Variants in UVRAG observed in about 807,000 individuals in gnomAD.
UVRAG encodes UV radiation resistance associated.
A neutral mutation model predicts 78.0 loss-of-function variants in UVRAG; 19 were observed. That is an observed-to-expected ratio of 0.24 (90% CI 0.17 to 0.36). The LOEUF (loss-of-function observed/expected upper bound fraction) is 0.36, where lower values mean the gene tolerates loss of function less well. Ranked by LOEUF, UVRAG falls within the 10% of genes least tolerant of loss-of-function variation. The pLI, the probability that UVRAG is intolerant of heterozygous loss-of-function variation, is 1.00. For synonymous variants in UVRAG, 323 were observed against 324.6 expected, an observed-to-expected ratio of 1.00 and a Z score of 0.05; for missense variants, 740 against 853.8, an observed-to-expected ratio of 0.87 and a Z score of 1.66.
At chr11:75,872,948 T>A (rs554666996) in intron 3 of UVRAG, among the ~76,000 whole-genome samples, 3 of 152,224 alleles carry the variant, frequency 2.0e-5, no homozygotes, top group South Asian at 2.1e-4. Flanking sequence ...ATAAATACGC[T>A]AGTAGAAATC....
intron 3 of UVRAG, among the ~76,000 whole-genome samples, chr11:75,875,861 T>C (rs1464630042): frequency 1.3e-5 from 2 of 152,034 alleles, no homozygotes; most frequent in East Asian, 3.8e-4. Flanking sequence ...TCTTGAATTA[T>C]GTCCTTGCTT....
chr11:76,140,414 G>T (rs1952694061), intron 14 of UVRAG, among the ~76,000 whole-genome samples: 1 of 152,078 alleles, frequency 6.6e-6, no homozygotes, highest in South Asian at 2.1e-4. Flanking sequence ...AGCCTGTCCA[G>T]TTACTTCACC....
chr11:76,140,878 G>C lies in UVRAG; in HGVS notation c.1565G>C (p.Ser522Thr). 1 of 1,614,070 alleles carries C rather than the reference G, an allele frequency of 6.2e-7. No individual in the cohort carries two copies. The highest frequency in any genetic ancestry group is 2.2e-5 in the East Asian group (1 of 44,872). Residue 522 changes from serine (S) to threonine (T), a missense_variant, in exon 15 of 15, where the codon AGT becomes ACT. Coordinates refer to ENST00000356136, the MANE Select transcript of UVRAG (RefSeq NM_003369.4). ...ERLQYKTPPP[S>T]YNSALAQPVT... ...CTTCAGTACAAAACCCCTCCTCCCA[G>C]TTACAACTCAGCATTAGCCCAGCCT...
intron 12 of UVRAG, among the ~76,000 whole-genome samples, chr11:76,029,480 A>C (rs1950394843): frequency 6.6e-6 from 1 of 152,210 alleles, no homozygotes; most frequent in Non-Finnish European, 1.5e-5. Context: ...GCGATTCAGA[A>C]TATTCATGAT....
At chr11:75,916,213 C>T (rs1947850078) in intron 6 of UVRAG, 1 of 152,116 alleles carries the variant, frequency 6.6e-6, no homozygotes. Context: ...AAATTCCAGT[C>T]CTAAAACTGC....
intron 6 of UVRAG, among the ~76,000 whole-genome samples, chr11:75,922,398 AAT>A (rs1392928520): frequency 6.6e-6 from 1 of 152,110 alleles, no homozygotes; most frequent in Non-Finnish European, 1.5e-5. Context: ...TATATTTAGT[AAT>A]ATATCTAATT....
chr11:76,059,491 T>C (rs1951041644), intron 12 of UVRAG, among the ~76,000 whole-genome samples: 1 of 152,192 alleles, frequency 6.6e-6, no homozygotes, highest in African/African-American at 2.4e-5. Context: ...TTGAACTCCT[T>C]TCCCCACCCA....
chr11:75,848,814 G>A (rs1168724154), intron 1 of UVRAG, among the ~76,000 whole-genome samples: 1 of 152,110 alleles, frequency 6.6e-6, no homozygotes, highest in Admixed American at 6.5e-5. Context: ...CTTTCTTTCT[G>A]CATTCTTTCC....
At chr11:75,823,342 C>G (rs1326428352) in intron 1 of UVRAG, among the ~76,000 whole-genome samples, 1 of 152,184 alleles carries the variant, frequency 6.6e-6, no homozygotes, top group Non-Finnish European at 1.5e-5. Context: ...GCTCCCCCTT[C>G]TTGAGGGTAG....
intron 6 of UVRAG, among the ~76,000 whole-genome samples, chr11:75,939,961 CT>C (rs1948450621): frequency 6.6e-6 from 1 of 152,156 alleles, no homozygotes; most frequent in Non-Finnish European, 1.5e-5. Flanking sequence ...TAAGCCAATC[CT>C]GAAACACTAT....
At chr11:75,893,670 C>CAAAAAAAA (rs1048785134) in intron 5 of UVRAG, among the ~76,000 whole-genome samples, 3 of 60,392 alleles carry the variant, frequency 5.0e-5, no homozygotes, top group African/African-American at 1.7e-4. Flanking sequence ...CTATCTCTAC[C>CAAAAAAAA]AAAAAAAAAA....
intron 12 of UVRAG, among the ~76,000 whole-genome samples, chr11:76,019,656 T>A (rs1169489819): frequency 2.6e-5 from 4 of 152,238 alleles, no homozygotes; most frequent in African/African-American, 7.2e-5. Flanking sequence ...CAGGCAGAGA[T>A]TCCTGTTCTC....
intron 7 of UVRAG, among the ~76,000 whole-genome samples, chr11:75,962,567 A>G (rs1948929728): frequency 6.6e-6 from 1 of 152,188 alleles, no homozygotes; most frequent in Admixed American, 6.5e-5. Context: ...CAATAGGTAT[A>G]GTAGTAATTC....
intron 7 of UVRAG, among the ~76,000 whole-genome samples, chr11:75,971,490 C>G (rs1427891360): frequency 1.3e-5 from 2 of 152,220 alleles, no homozygotes; most frequent in African/African-American, 2.4e-5. Flanking sequence ...TGTTCCATAT[C>G]TTTGCCAGCA....
intron 6 of UVRAG, among the ~76,000 whole-genome samples, chr11:75,959,980 A>G (rs1329832347): frequency 6.6e-6 from 1 of 152,214 alleles, no homozygotes; most frequent in Admixed American, 6.5e-5. Context: ...AAAGTTCACT[A>G]TCTTATACGG....
At chr11:76,008,707 T>C in intron 10 of UVRAG, 100 bp from the exon 11 acceptor site, 2 of 590,790 alleles carry the variant, frequency 3.4e-6, no homozygotes, top group Non-Finnish European at 5.9e-6. Flanking sequence ...ACTTGGAGTT[T>C]AGAACAGTGT....
intron 7 of UVRAG, among the ~76,000 whole-genome samples, chr11:75,978,125 T>C (rs12271045): frequency 4.5e-4 from 69 of 151,972 alleles, no homozygotes; most frequent in African/African-American, 1.6e-3. Context: ...CCTTCACTTA[T>C]GAAGCTTAGT....
intron 1 of UVRAG, among the ~76,000 whole-genome samples, chr11:75,844,665 T>G (rs1254844889): frequency 6.9e-6 from 1 of 145,296 alleles, no homozygotes; most frequent in Non-Finnish European, 1.5e-5. Flanking sequence ...AGCAGATGTT[T>G]CTCTTTTCTT....
intron 7 of UVRAG, among the ~76,000 whole-genome samples, chr11:75,977,236 G>C (rs944153308): frequency 5.3e-5 from 8 of 152,178 alleles, no homozygotes; most frequent in Non-Finnish European, 7.3e-5. Context: ...CTGAGAGACA[G>C]TTTGTTATAA....
Sources: allele counts gnomAD v4.1 joint callset (sites outside exome capture counted in the v4.1 genomes callset), GRCh38; gene constraint gnomAD v4.1.1; transcripts MANE v1.5; gene names NCBI Gene and HGNC (gene_info 2026-07-23, HGNC 2026-07-21).